Variants in TOX2 observed in about 807,000 individuals in gnomAD.
TOX2 encodes the protein TOX high mobility group box family member 2.
TOX2 carries 15 observed loss-of-function variants against 47.4 expected under a neutral mutation model. That is an observed-to-expected ratio of 0.32 (90% confidence interval 0.21 to 0.49). The LOEUF (loss-of-function observed/expected upper bound fraction) is 0.49. TOX2 is among the 20% of genes least tolerant of loss of function. The pLI is 0.99. For synonymous variants in TOX2, 290 were observed against 296.6 expected (o/e 0.98, Z 0.23); for missense variants, 622 against 673.1 (o/e 0.92, Z 0.84).
chr20:43,964,426 C>A (rs564948271), intron 1 of TOX2, among the ~76,000 whole-genome samples: 1 of 152,308 alleles, frequency 6.6e-6, no homozygotes, highest in East Asian at 1.9e-4. Flanking sequence ...CTCTTTAGAG[C>A]TGTGTTTTAT....
chr20:44,013,112 TCCTGGGGGCAGGG>T (rs1042941091), intron 3 of TOX2, among the ~76,000 whole-genome samples: 17 of 152,258 alleles, frequency 1.1e-4, no homozygotes, highest in African/African-American at 3.4e-4. Context: ...GGGGACTTGA[TCCTGGGGGCAGGG>T]CCTTGGACTT....
chr20:43,947,760 C>T (rs1186611194), intron 1 of TOX2, among the ~76,000 whole-genome samples: 3 of 152,206 alleles, frequency 2.0e-5, no homozygotes, highest in Admixed American at 6.5e-5. Context: ...GAATACCACT[C>T]ATCAGCACTG....
intron 4 of TOX2, among the ~76,000 whole-genome samples, chr20:44,051,926 A>G (rs2071519883): frequency 6.6e-6 from 1 of 152,204 alleles, no homozygotes; most frequent in Non-Finnish European, 1.5e-5. Flanking sequence ...TAAAGCAGAG[A>G]AAATTCCAAC....
chr20:44,054,648 C>A (rs2071586041), intron 5 of TOX2, 122 bp downstream of exon 5: 2 of 1,101,166 alleles, frequency 1.8e-6, no homozygotes, highest in Admixed American at 2.2e-5. Context: ...AGAGGTCTTT[C>A]CTGGGCTCAG....
At chr20:43,920,585 C>G (rs1361927783) in intron 1 of TOX2, among the ~76,000 whole-genome samples, 3 of 152,164 alleles carry the variant, frequency 2.0e-5, no homozygotes, top group African/African-American at 7.2e-5. Flanking sequence ...ATAGCTCCTC[C>G]CCCAACCTGT....
At chr20:43,957,019 A>G (rs2069679379) in intron 1 of TOX2, among the ~76,000 whole-genome samples, 1 of 152,038 alleles carries the variant, frequency 6.6e-6, no homozygotes, top group South Asian at 2.1e-4. Flanking sequence ...TGTCCTTTTC[A>G]TTTTGGTTTT....
intron 1 of TOX2, among the ~76,000 whole-genome samples, chr20:43,969,537 T>C (rs567069461): frequency 6.6e-6 from 1 of 152,292 alleles, no homozygotes; most frequent in East Asian, 1.9e-4. Context: ...CTTAGAGTAC[T>C]GGAAGCCAAG....
chr20:44,011,831 G>T (rs530162987), intron 3 of TOX2, among the ~76,000 whole-genome samples: 2 of 152,336 alleles, frequency 1.3e-5, no homozygotes, highest in Non-Finnish European at 2.9e-5. Context: ...AATTCTTTCC[G>T]GTCCCCTGCC....
chr20:43,937,667 A>G (rs948746535), intron 1 of TOX2, among the ~76,000 whole-genome samples: 1 of 152,086 alleles, frequency 6.6e-6, no homozygotes, highest in Non-Finnish European at 1.5e-5. Context: ...GCCACACCCC[A>G]GGTCTCCAAC....
At chr20:43,950,161 A>G (rs61403061) in intron 1 of TOX2, among the ~76,000 whole-genome samples, 2,032 of 152,296 alleles carry the variant, frequency 0.013, 50 homozygotes, top group African/African-American at 0.047. Context: ...TGCTCTGAGC[A>G]GAGCAAACTC....
At position 43,950,456 on chromosome 20, in the gene TOX2, T is replaced by A. The variant is rs188064569; in HGVS notation, c.100-22911T>A. Among the ~76,000 whole-genome samples the A allele has an allele frequency of 1.6e-3, 251 of 152,152 alleles. 2 individuals carry two copies. Among genetic ancestry groups the A allele is most frequent in the Admixed American group, 8.6e-3 (132 of 15,296 alleles). On this transcript the variant is annotated intron_variant, in intron 1 of 8. Coordinates refer to ENST00000341197, the MANE Select transcript of TOX2 (RefSeq NM_001098797.2). ...AGTGCCATCTGTGGGGCACACTCCA[T>A]CCCCAGTTGCCTCTCTGGCCTCCCC...
chr20:44,044,861 C>A (rs868039301), intron 3 of TOX2, among the ~76,000 whole-genome samples: 1 of 152,108 alleles, frequency 6.6e-6, no homozygotes, highest in Non-Finnish European at 1.5e-5. Flanking sequence ...TAATGCCCAA[C>A]CAACTGCCTA....
chr20:44,001,546 A>G (rs2070583155), intron 2 of TOX2, among the ~76,000 whole-genome samples: 1 of 152,226 alleles, frequency 6.6e-6, no homozygotes, highest in South Asian at 2.1e-4. Flanking sequence ...TGATTCCAAT[A>G]TTTTGATACA....
chr20:43,927,657 TC>T (rs1346821460), intron 1 of TOX2, among the ~76,000 whole-genome samples: 13 of 104,262 alleles, frequency 1.2e-4, no homozygotes, highest in Admixed American at 4.2e-4. Flanking sequence ...TCCCTTCCCT[TC>T]CCCTTCCTTC....
intron 2 of TOX2, among the ~76,000 whole-genome samples, chr20:43,982,535 T>G (rs1333344909): frequency 6.6e-6 from 1 of 151,324 alleles, no homozygotes; most frequent in Non-Finnish European, 1.5e-5. Flanking sequence ...TTATTCAGAG[T>G]GGGACGCTGG....
intron 3 of TOX2, among the ~76,000 whole-genome samples, chr20:44,029,748 C>G (rs1051342906): frequency 6.6e-6 from 1 of 152,142 alleles, no homozygotes; most frequent in Non-Finnish European, 1.5e-5. Context: ...ACTGTCTCCT[C>G]TCTCCCCTCG....
chr20:43,955,208 T>G, intron 1 of TOX2: 1 of 985,226 alleles, frequency 1.0e-6, no homozygotes, highest in Non-Finnish European at 1.2e-6. Flanking sequence ...CTTCATTACT[T>G]TTCTGAAATT....
At chr20:43,951,391 A>G (rs1055198023) in intron 1 of TOX2, among the ~76,000 whole-genome samples, 3 of 152,108 alleles carry the variant, frequency 2.0e-5, no homozygotes, top group Admixed American at 2.0e-4. Context: ...CCTGGCTAAC[A>G]TGGTGAAACC....
intron 3 of TOX2, among the ~76,000 whole-genome samples, chr20:44,034,481 C>A (rs2071208225): frequency 6.6e-6 from 1 of 152,212 alleles, no homozygotes; most frequent in East Asian, 1.9e-4. Context: ...GTACCAGGAG[C>A]AGCATGGAGC....
Sources: gnomAD v4.1 joint callset for allele counts (sites outside exome capture counted in the v4.1 genomes callset) on GRCh38, gnomAD v4.1.1 for gene constraint, MANE v1.5 for transcripts, NCBI Gene and HGNC (gene_info 2026-07-23, HGNC 2026-07-21) for gene names.